SLC24A2: variants seen among roughly 807,000 people sequenced by gnomAD.
SLC24A2 encodes the protein sodium/potassium/calcium exchanger 2.
SLC24A2 carries 36 observed loss-of-function variants against 62.0 expected under a neutral mutation model. The ratio of observed to expected loss-of-function variants is 0.58; its 90% CI spans 0.44 to 0.77. The LOEUF (loss-of-function observed/expected upper bound fraction) is 0.77, where lower values mean the gene tolerates loss of function less well. Ranked by LOEUF, SLC24A2 falls within the 30% of genes least tolerant of loss-of-function variation. SLC24A2 has a pLI of 0.00. For synonymous variants in SLC24A2, 358 were observed against 294.0 expected, an observed-to-expected ratio of 1.22 and a Z score of -2.23; for missense variants, 846 against 817.9, an observed-to-expected ratio of 1.03 and a Z score of -0.42.
chr9:20,164,660 T>C, the SLC24A2 span, among the ~76,000 whole-genome samples: 1 of 151,834 alleles, frequency 6.6e-6, no homozygotes, highest in African/African-American at 2.4e-5. Context: ...CTATAAATCA[T>C]GCTGCTATAA....
intron 3 of SLC24A2, 139 bp from the exon 4 acceptor site, chr9:19,619,831 C>A: frequency 1.4e-6 from 1 of 714,502 alleles, no homozygotes; most frequent in Non-Finnish European, 2.5e-6. Flanking sequence ...TTTCAAAGCA[C>A]ATTTCAAAGC....
chr9:19,545,822 T>G (rs1318454092), intron 8 of SLC24A2, among the ~76,000 whole-genome samples: 1 of 152,070 alleles, frequency 6.6e-6, no homozygotes, highest in East Asian at 1.9e-4. Context: ...GTGTTTTTAC[T>G]AGAGACGGGT....
chr9:19,571,170 G>A (rs949872081), intron 7 of SLC24A2, among the ~76,000 whole-genome samples: 6 of 152,126 alleles, frequency 3.9e-5, no homozygotes, highest in Admixed American at 2.6e-4. Context: ...GCCTCCTGCT[G>A]CCACACGCTG....
At chr9:19,592,060 T>C (rs1394756011) in intron 5 of SLC24A2, among the ~76,000 whole-genome samples, 1 of 152,224 alleles carries the variant, frequency 6.6e-6, no homozygotes, top group Non-Finnish European at 1.5e-5. Context: ...AATTAGACTA[T>C]TTCACTGCAA....
chr9:19,564,145 A>G (rs1383221209), intron 7 of SLC24A2, among the ~76,000 whole-genome samples: 1 of 152,110 alleles, frequency 6.6e-6, no homozygotes, highest in African/African-American at 2.4e-5. Context: ...GGTGTGAGCC[A>G]CCATGCCTGG....
chr9:20,225,349 A>C, the SLC24A2 span, among the ~76,000 whole-genome samples: 5 of 151,182 alleles, frequency 3.3e-5, no homozygotes, highest in Non-Finnish European at 7.4e-5. Flanking sequence ...AGCATGGATA[A>C]ATGGGTATGG....
the SLC24A2 span, among the ~76,000 whole-genome samples, chr9:20,266,244 T>C: frequency 4.6e-5 from 7 of 152,286 alleles, no homozygotes; most frequent in Non-Finnish European, 7.4e-5. Context: ...GTTTTGTGGG[T>C]TGTGGGGCAT....
chr9:20,208,830 C>T, the SLC24A2 span, among the ~76,000 whole-genome samples: 1 of 152,160 alleles, frequency 6.6e-6, no homozygotes, highest in African/African-American at 2.4e-5. Flanking sequence ...ATGGCTGCCT[C>T]CAGAAACAGG....
At chr9:20,274,538 T>C in the SLC24A2 span, among the ~76,000 whole-genome samples, 36,740 of 151,932 alleles carry the variant, frequency 0.24, 4,618 homozygotes, top group African/African-American at 0.32. Flanking sequence ...AACTCAGGTC[T>C]CTCTACCAAC....
At chr9:19,720,884 G>A (rs1172924351) in intron 2 of SLC24A2, among the ~76,000 whole-genome samples, 1 of 136,322 alleles carries the variant, frequency 7.3e-6, no homozygotes, top group African/African-American at 2.9e-5. Context: ...TGTGTGTGTT[G>A]TATCTCTAAA....
Position 19,514,024 on chromosome 9 carries a change from A to G in SLC24A2, c.*2129T>C, listed in dbSNP as rs1455035800. On this transcript the variant is annotated 3_prime_UTR_variant, in exon 11 of 11. Coordinates refer to ENST00000341998, the MANE Select transcript of SLC24A2 (RefSeq NM_020344.4). ...GCATTGTCCCACATCTGAAGACCCC[A>G]ATCTGCCGAGTTGGAGAGACTTGAA... The G allele has an allele frequency of 6.6e-6, 1 of 152,174 alleles. No homozygotes were observed. The highest frequency in any genetic ancestry group is 1.5e-5 in the Non-Finnish European group (1 of 68,018). 9.4% of individuals were successfully genotyped at this position (152,174 alleles called of 1,614,324 possible).
the SLC24A2 span, among the ~76,000 whole-genome samples, chr9:20,255,808 C>T: frequency 6.6e-6 from 1 of 152,184 alleles, no homozygotes; most frequent in Non-Finnish European, 1.5e-5. Context: ...TCAAAGAATT[C>T]ATGGTCATAC....
At chr9:20,286,178 G>A in the SLC24A2 span, among the ~76,000 whole-genome samples, 4 of 152,180 alleles carry the variant, frequency 2.6e-5, no homozygotes, top group Admixed American at 6.5e-5. Context: ...AGGTGGGTGC[G>A]CATATCTTTG....
chr9:20,214,418 C>T, the SLC24A2 span, among the ~76,000 whole-genome samples: 15,194 of 152,046 alleles, frequency 0.1, 954 homozygotes, highest in Middle Eastern at 0.15. Context: ...TAAGACCATC[C>T]TGGCTAACAC....
chr9:20,038,271 GATA>G, the SLC24A2 span, among the ~76,000 whole-genome samples: 3 of 152,198 alleles, frequency 2.0e-5, no homozygotes, highest in Non-Finnish European at 4.4e-5. Context: ...GTTAAGTGAA[GATA>G]ATAAGACAGC....
chr9:20,245,971 G>C, the SLC24A2 span, among the ~76,000 whole-genome samples: 2 of 152,146 alleles, frequency 1.3e-5, no homozygotes, highest in Non-Finnish European at 2.9e-5. Flanking sequence ...ATTAGTATAA[G>C]GGGGAGCCAG....
intron 8 of SLC24A2, among the ~76,000 whole-genome samples, chr9:19,534,978 G>T (rs1434481144): frequency 6.6e-6 from 1 of 152,180 alleles, no homozygotes; most frequent in Non-Finnish European, 1.5e-5. Context: ...CCCACCAACA[G>T]TGTAAAAGTG....
In SLC24A2 at chr9:19,553,580, T is replaced by TGG. The variant is rs531286748; in HGVS notation, c.1348-3314_1348-3313dup. On this transcript the variant is annotated intron_variant, in intron 7 of 10. Coordinates refer to ENST00000341998, the MANE Select transcript of SLC24A2 (RefSeq NM_020344.4). ...CTTTAAGTTCCCACATGGTGGGTGGTGGTGTGTTGGTTGTCAGAACTTAAA... is the reference window on the plus strand; with the variant it reads ...CTTTAAGTTCCCACATGGTGGGTGGTGGGGTGTGTTGGTTGTCAGAACTTAAA... Among the ~76,000 whole-genome samples the TGG allele has an allele frequency of 2.8e-4, 43 of 152,116 alleles. 1 individual carries two copies. The East Asian group carries it at 7.7e-3, about 27-fold the overall frequency.
chr9:20,013,508 A>G, the SLC24A2 span, among the ~76,000 whole-genome samples: 1 of 152,222 alleles, frequency 6.6e-6, no homozygotes, highest in Non-Finnish European at 1.5e-5. Flanking sequence ...CTGGGCAATG[A>G]TATTTTGATA....
Sources: gnomAD v4.1 joint callset for allele counts (sites outside exome capture counted in the v4.1 genomes callset) on GRCh38, gnomAD v4.1.1 for gene constraint, MANE v1.5 for transcripts, NCBI Gene and HGNC (gene_info 2026-07-23, HGNC 2026-07-21) for gene names.